The following MCTP2 variants were observed in gnomAD, a reference collection of about 807,000 sequenced individuals.
MCTP2 encodes the protein multiple C2 and transmembrane domain containing 2.
MCTP2 carries 132 observed loss-of-function variants against 111.6 expected under a neutral mutation model. The observed-to-expected ratio is 1.18, with a 90% CI of 1.03 to 1.37. The LOEUF (loss-of-function observed/expected upper bound fraction) is 1.37. Ranked by LOEUF, MCTP2 falls within the 40% of genes most tolerant of loss-of-function variation. MCTP2 has a pLI of 0.00. For synonymous variants in MCTP2, 395 were observed against 387.7 expected, an observed-to-expected ratio of 1.02 and a Z score of -0.22; for missense variants, 1,183 against 1,067.9, an observed-to-expected ratio of 1.11 and a Z score of -1.50.
rs534597112 is a variant in MCTP2 at position 94,241,130 on chromosome 15, A to G, written c.-66+9466A>G. ...CAGCAGAGCTTCTGAGATATCTCCT[A>G]GGGATCCTTTAGTTTCATGTAGAGT... On this transcript the variant is annotated intron_variant, in intron 1 of 22. Transcript: ENST00000357742. Among the ~76,000 whole-genome samples, 130 of 114,586 alleles carry G rather than the reference A, an allele frequency of 1.1e-3. No homozygotes were observed. In the East Asian group the frequency reaches 0.024, roughly 21 times the overall value. The allele number at this position is 114,586 out of a possible 152,430, so 75.2% of individuals were successfully genotyped here. A position where few individuals can be genotyped will look rare whatever the true frequency, so the allele number is the denominator to read the frequency against.
intron 3 of MCTP2, among the ~76,000 whole-genome samples, chr15:94,315,120 C>T (rs1249257236): frequency 1.3e-5 from 2 of 152,264 alleles, no homozygotes; most frequent in African/African-American, 2.4e-5. Flanking sequence ...GGGCATCTTA[C>T]ATCTGAACTT....
At chr15:94,464,273 AT>A (rs2085455623) in intron 20 of MCTP2, among the ~76,000 whole-genome samples, 2 of 82,788 alleles carry the variant, frequency 2.4e-5, no homozygotes, top group African/African-American at 1.0e-4. Flanking sequence ...ATATATATAT[AT>A]ATATAAACGT....
In MCTP2 at chr15:94,326,860, G is replaced by C. The variant is rs542327380; in HGVS notation, c.637+11223G>C. Among the ~76,000 whole-genome samples the C allele has an allele frequency of 1.3e-4, 17 of 130,524 alleles. No homozygotes were observed. The East Asian group carries it at 4.1e-3, about 32-fold the overall frequency. The allele number at this position is 130,524 out of a possible 152,430, so 85.6% of individuals were successfully genotyped here. Reference sequence around the variant, plus strand: ...GCCTCCCAAAGTGCTGGGATTACAGGCATTAGCCACCGTGCCTAGCCATAT... The same window carrying C: ...GCCTCCCAAAGTGCTGGGATTACAGCCATTAGCCACCGTGCCTAGCCATAT... On this transcript the variant is annotated intron_variant, in intron 4 of 22. Transcript: ENST00000357742.
intron 10 of MCTP2, among the ~76,000 whole-genome samples, chr15:94,361,593 T>G (rs866490457): frequency 3.3e-5 from 5 of 152,228 alleles, no homozygotes; most frequent in Admixed American, 6.5e-5. Context: ...TTATTATTAA[T>G]TTTGAGATTT....
At chr15:94,443,045 C>CTTT in intron 19 of MCTP2, 85 bp downstream of exon 19, 1 of 849,494 alleles carries the variant, frequency 1.2e-6, no homozygotes, top group Non-Finnish European at 1.7e-6. Context: ...TCTCTCTCCT[C>CTTT]TCTTTTTTTT....
chr15:94,426,203 A>T (rs1294468492), intron 17 of MCTP2, among the ~76,000 whole-genome samples: 1 of 151,622 alleles, frequency 6.6e-6, no homozygotes, highest in Non-Finnish European at 1.5e-5. Flanking sequence ...TAGTCATCCT[A>T]TTTGGCATTC....
intron 2 of MCTP2, among the ~76,000 whole-genome samples, chr15:94,305,374 C>T (rs548932982): frequency 2.0e-5 from 3 of 152,236 alleles, no homozygotes; most frequent in South Asian, 4.2e-4. Flanking sequence ...GTTTTAGCCT[C>T]GGAGGACGAT....
intron 12 of MCTP2, among the ~76,000 whole-genome samples, chr15:94,382,634 G>T (rs775953052): frequency 2.0e-5 from 3 of 152,248 alleles, no homozygotes; most frequent in Non-Finnish European, 2.9e-5. Flanking sequence ...ACCTCAGAGC[G>T]CCTGGTTATT....
At chr15:94,348,289 A>G (rs1161080563) in intron 8 of MCTP2, among the ~76,000 whole-genome samples, 2 of 150,722 alleles carry the variant, frequency 1.3e-5, no homozygotes, top group Non-Finnish European at 3.0e-5. Flanking sequence ...GGCTACATAC[A>G]CTGAGAAGAC....
intron 4 of MCTP2, among the ~76,000 whole-genome samples, chr15:94,325,470 C>T (rs551953857): frequency 6.6e-6 from 1 of 152,082 alleles, no homozygotes; most frequent in Non-Finnish European, 1.5e-5. Flanking sequence ...TCCCAGTTTC[C>T]TCATCAATTT....
intron 2 of MCTP2, among the ~76,000 whole-genome samples, chr15:94,301,019 T>C (rs1242915122): frequency 6.6e-6 from 1 of 152,196 alleles, no homozygotes; most frequent in Non-Finnish European, 1.5e-5. Context: ...CCAGGCTAAA[T>C]GCAGAAAGCT....
chr15:94,364,952 T>G (rs2079112495), intron 10 of MCTP2, among the ~76,000 whole-genome samples: 1 of 152,164 alleles, frequency 6.6e-6, no homozygotes, highest in African/African-American at 2.4e-5. Flanking sequence ...TTCCTCCTTC[T>G]TCCAGAATGT....
chr15:94,460,136 A>G (rs979035034), intron 20 of MCTP2, among the ~76,000 whole-genome samples: 46 of 152,324 alleles, frequency 3.0e-4, no homozygotes, highest in African/African-American at 1.1e-3. Flanking sequence ...ATTAGAATTC[A>G]GTAGCATTAG....
intron 1 of MCTP2, among the ~76,000 whole-genome samples, chr15:94,273,150 C>T (rs1054662395): frequency 1.3e-5 from 2 of 152,192 alleles, no homozygotes; most frequent in African/African-American, 4.8e-5. Context: ...AGCAACATTG[C>T]TTTCTCAATA....
intron 1 of MCTP2, among the ~76,000 whole-genome samples, chr15:94,255,636 A>G (rs371270543): frequency 1.3e-5 from 2 of 152,132 alleles, no homozygotes; most frequent in East Asian, 3.9e-4. Context: ...ATTTGGTAGG[A>G]GAGAGTGGAG....
chr15:94,349,647 C>T (rs1417178788), intron 8 of MCTP2, among the ~76,000 whole-genome samples: 6 of 151,634 alleles, frequency 4.0e-5, no homozygotes, highest in African/African-American at 1.2e-4. Context: ...GGTGAAACCC[C>T]GTCTCTACTA....
chr15:94,367,858 T>G, intron 11 of MCTP2, 67 bp downstream of exon 11: 2 of 1,347,478 alleles, frequency 1.5e-6, no homozygotes, highest in Non-Finnish European at 2.0e-6. Flanking sequence ...AAGTCTTTAT[T>G]GAAACAAAGT....
chr15:94,422,185 G>A (rs572367517), intron 17 of MCTP2, among the ~76,000 whole-genome samples: 1 of 152,236 alleles, frequency 6.6e-6, no homozygotes, highest in East Asian at 1.9e-4. Flanking sequence ...GGAAGTCTGG[G>A]AGGAAGCTGT....
At chr15:94,457,211 C>T (rs2084888486) in intron 19 of MCTP2, among the ~76,000 whole-genome samples, 1 of 152,146 alleles carries the variant, frequency 6.6e-6, no homozygotes, top group African/African-American at 2.4e-5. Flanking sequence ...TCATTGACTA[C>T]ATCCCAATTA....
Sources: gnomAD v4.1 joint callset for allele counts (sites outside exome capture counted in the v4.1 genomes callset) on GRCh38, gnomAD v4.1.1 for gene constraint, MANE v1.5 for transcripts, NCBI Gene and HGNC (gene_info 2026-07-23, HGNC 2026-07-21) for gene names.